Variants in ATOSA observed in about 807,000 individuals in gnomAD.
ATOSA encodes the protein atos homolog protein A.
chr15:52,688,425 T>C, the ATOSA span, among the ~76,000 whole-genome samples: 1 of 151,836 alleles, frequency 6.6e-6, no homozygotes, highest in Non-Finnish European at 1.5e-5. Context: ...TTTTAGGAGG[T>C]AGAAGTGATA....
At chr15:52,705,399 A>G in the ATOSA span, among the ~76,000 whole-genome samples, 1 of 152,122 alleles carries the variant, frequency 6.6e-6, no homozygotes, top group African/African-American at 2.4e-5. Context: ...AGAAATACCT[A>G]ATGTAAATGA....
the ATOSA span, among the ~76,000 whole-genome samples, chr15:52,662,555 G>A: frequency 2.0e-5 from 3 of 152,134 alleles, no homozygotes; most frequent in African/African-American, 7.2e-5. Context: ...CGGATCACAA[G>A]GTCAGGAGAT....
chr15:52,675,191 A>G, the ATOSA span, among the ~76,000 whole-genome samples: 2 of 152,256 alleles, frequency 1.3e-5, no homozygotes, highest in Non-Finnish European at 2.9e-5. Context: ...ACTATCGTAC[A>G]GTAAAATACT....
the ATOSA span, among the ~76,000 whole-genome samples, chr15:52,703,772 C>T: frequency 6.6e-6 from 1 of 152,076 alleles, no homozygotes; most frequent in Non-Finnish European, 1.5e-5. Flanking sequence ...AGCAAACCAA[C>T]ATGGCACATG....
the ATOSA span, among the ~76,000 whole-genome samples, chr15:52,594,134 C>T: frequency 6.6e-6 from 1 of 152,124 alleles, no homozygotes; most frequent in Non-Finnish European, 1.5e-5. Flanking sequence ...TGGTGCTAGA[C>T]ACAGAGAAAC....
chr15:52,691,963 C>G, the ATOSA span, among the ~76,000 whole-genome samples: 4 of 152,142 alleles, frequency 2.6e-5, no homozygotes, highest in Non-Finnish European at 5.9e-5. Context: ...AAGAACAGAT[C>G]ATGCCTTTTT....
At chr15:52,693,157 T>G in the ATOSA span, among the ~76,000 whole-genome samples, 62 of 152,266 alleles carry the variant, frequency 4.1e-4, no homozygotes, top group Admixed American at 5.2e-4. Context: ...CGGTGGCTCA[T>G]GCCTGTAATC....
chr15:52,703,703 G>T, the ATOSA span, among the ~76,000 whole-genome samples: 2 of 151,878 alleles, frequency 1.3e-5, no homozygotes, highest in African/African-American at 4.8e-5. Context: ...GGGGTGGGGG[G>T]CTAGGGGAGG....
chr15:52,610,788 TA>T, the ATOSA span, among the ~76,000 whole-genome samples: 14 of 152,272 alleles, frequency 9.2e-5, no homozygotes, highest in African/African-American at 2.4e-4. Context: ...TTTAGCAGCC[TA>T]TATGTTTACA....
the ATOSA span, among the ~76,000 whole-genome samples, chr15:52,619,500 A>G: frequency 6.6e-6 from 1 of 152,206 alleles, no homozygotes; most frequent in Non-Finnish European, 1.5e-5. Flanking sequence ...AATGTTTCAA[A>G]TCTAGACAAA....
the ATOSA span, among the ~76,000 whole-genome samples, chr15:52,685,463 TTG>T: frequency 3.3e-5 from 5 of 152,158 alleles, no homozygotes; most frequent in Non-Finnish European, 7.3e-5. Flanking sequence ...AAACAGGGTC[TTG>T]CTCTGTTGCC....
At chr15:52,652,011 G>C in the ATOSA span, 2 of 1,520,356 alleles carry the variant, frequency 1.3e-6, no homozygotes, top group East Asian at 2.5e-5. Flanking sequence ...AATGTTCAGC[G>C]TTGGGTGCTG....
chr15:52,669,902 T>C, the ATOSA span, among the ~76,000 whole-genome samples: 1 of 152,166 alleles, frequency 6.6e-6, no homozygotes, highest in Non-Finnish European at 1.5e-5. Context: ...GGTAATACTC[T>C]GAAACAAAGA....
the ATOSA span, chr15:52,609,214 G>C: frequency 1.2e-6 from 2 of 1,611,604 alleles, no homozygotes; most frequent in South Asian, 2.2e-5. Flanking sequence ...ATTTTTAAAA[G>C]AAGTAAAACA....
At chr15:52,596,295 T>C in the ATOSA span, among the ~76,000 whole-genome samples, 1 of 152,232 alleles carries the variant, frequency 6.6e-6, no homozygotes, top group Admixed American at 6.5e-5. Flanking sequence ...CTCAGCAGGC[T>C]ATTTTGTGGA....
At chr15:52,662,612 T>G in the ATOSA span, among the ~76,000 whole-genome samples, 541 of 150,906 alleles carry the variant, frequency 3.6e-3, 16 homozygotes, top group South Asian at 0.055. Context: ...CTACTAAAAA[T>G]ACAAAAAATT....
chr15:52,613,906 A>G, the ATOSA span: 1 of 1,491,196 alleles, frequency 6.7e-7, no homozygotes, highest in Non-Finnish European at 9.3e-7. Context: ...TACTCTTAGT[A>G]AGAACTCATC....
At chr15:52,694,383 C>G in the ATOSA span, among the ~76,000 whole-genome samples, 1 of 152,072 alleles carries the variant, frequency 6.6e-6, no homozygotes, top group Non-Finnish European at 1.5e-5. Context: ...ACAGGCTGGT[C>G]TCGAACTCCT....
the ATOSA span, among the ~76,000 whole-genome samples, chr15:52,627,928 T>C: frequency 1.3e-5 from 2 of 152,132 alleles, 1 homozygote; most frequent in South Asian, 4.1e-4. Context: ...TAATGTAATT[T>C]TGAGAGGCAG....
Sources: allele counts gnomAD v4.1 joint callset (sites outside exome capture counted in the v4.1 genomes callset), GRCh38; gene constraint gnomAD v4.1.1; transcripts MANE v1.5; gene names NCBI Gene and HGNC (gene_info 2026-07-23, HGNC 2026-07-21).